C1GALT1: variants seen among roughly 807,000 people sequenced by gnomAD.
C1GALT1 encodes glycoprotein-N-acetylgalactosamine 3-beta-galactosyltransferase 1.
In C1GALT1, 11 loss-of-function variants were observed where a neutral mutation model predicts 31.0. The ratio of observed to expected loss-of-function variants is 0.36; its 90% CI spans 0.22 to 0.59. C1GALT1 has a LOEUF of 0.59. C1GALT1 is among the 20% of genes least tolerant of loss of function. C1GALT1 has a pLI of 0.79. For synonymous variants in C1GALT1, 175 were observed against 143.6 expected (o/e 1.22, Z -1.56); for missense variants, 424 against 425.2 (o/e 1.00, Z 0.03).
At chr7:7,185,407 A>G (rs568669527) in intron 1 of C1GALT1, among the ~76,000 whole-genome samples, 11 of 152,212 alleles carry the variant, frequency 7.2e-5, no homozygotes, top group Non-Finnish European at 1.5e-4. Flanking sequence ...AAATACGACA[A>G]ACTGGGTGAT....
In C1GALT1 at chr7:7,227,049, C is replaced by G. The variant is rs1374230895; in HGVS notation, c.-17-7254C>G. On this transcript the variant is annotated intron_variant, in intron 1 of 3. Transcript: ENST00000436587. Reference sequence around the variant, plus strand: ...ATTTAATGAGCCCTCCAACTCCTTTCTGTTTTTTTGTAAACTTTTCTTAAT... The same window carrying G: ...ATTTAATGAGCCCTCCAACTCCTTTGTGTTTTTTTGTAAACTTTTCTTAAT... Among the ~76,000 whole-genome samples, 7 of 152,030 alleles carry G rather than the reference C, an allele frequency of 4.6e-5. No homozygotes were observed. The East Asian group carries it at 1.3e-3, about 29-fold the overall frequency.
At chr7:7,183,666 C>A (rs758390426) in intron 1 of C1GALT1, 1 of 891,100 alleles carries the variant, frequency 1.1e-6, no homozygotes, top group Non-Finnish European at 1.3e-6. Flanking sequence ...TCCTTACCGT[C>A]TCCCCACCCC....
intron 1 of C1GALT1, among the ~76,000 whole-genome samples, chr7:7,224,017 G>A (rs572172323): frequency 3.3e-5 from 5 of 151,994 alleles, no homozygotes; most frequent in Non-Finnish European, 7.4e-5. Context: ...CTTTTCATTT[G>A]TGTGAATTTT....
intron 1 of C1GALT1, 65 bp downstream of exon 1, chr7:7,182,885 CT>C: frequency 9.2e-6 from 9 of 978,256 alleles, no homozygotes; most frequent in Non-Finnish European, 1.1e-5. Flanking sequence ...GCCCTCCCCC[CT>C]CTCCGGGTTG....
chr7:7,242,553 CA>C (rs1783680720), intron 3 of C1GALT1, among the ~76,000 whole-genome samples: 1 of 152,066 alleles, frequency 6.6e-6, no homozygotes, highest in African/African-American at 2.4e-5. Context: ...CTATCTCCCT[CA>C]TTCTTTACAA....
At chr7:7,218,561 G>A (rs977914693) in intron 1 of C1GALT1, among the ~76,000 whole-genome samples, 2 of 152,108 alleles carry the variant, frequency 1.3e-5, no homozygotes, top group Non-Finnish European at 2.9e-5. Context: ...GAGCTGCTTT[G>A]CCCCCTCATT....
At chr7:7,235,111 T>C (rs1783276247) in intron 2 of C1GALT1, 2 of 152,462 alleles carry the variant, frequency 1.3e-5, no homozygotes, top group South Asian at 4.1e-4. Flanking sequence ...CTCTCCAAGT[T>C]TCTGTCCTTT....
chr7:7,223,356 T>A (rs943824618), intron 1 of C1GALT1, among the ~76,000 whole-genome samples: 1 of 152,122 alleles, frequency 6.6e-6, no homozygotes, highest in Non-Finnish European at 1.5e-5. Context: ...AGAGATGGGG[T>A]TTCTCCATGT....
chr7:7,157,618 A>G (rs1169909697), intron 2 of C1GALT1, among the ~76,000 whole-genome samples: 2 of 152,146 alleles, frequency 1.3e-5, no homozygotes, highest in African/African-American at 4.8e-5. Context: ...GGCTTCTAAG[A>G]TTATATTTAT....
chr7:7,166,909 T>C (rs1432197), intron 2 of C1GALT1, among the ~76,000 whole-genome samples: 11,313 of 152,230 alleles, frequency 0.074, 587 homozygotes, highest in East Asian at 0.21. Context: ...ACTAATCATG[T>C]TAGTCCTTTT....
intron 1 of C1GALT1, among the ~76,000 whole-genome samples, chr7:7,232,303 G>T (rs553219453): frequency 2.0e-5 from 3 of 152,108 alleles, no homozygotes; most frequent in Admixed American, 6.5e-5. Flanking sequence ...ACATGAAGTT[G>T]TTTTGTTTTT....
At chr7:7,204,257 T>C (rs1781644638) in intron 1 of C1GALT1, among the ~76,000 whole-genome samples, 1 of 152,044 alleles carries the variant, frequency 6.6e-6, no homozygotes, top group Non-Finnish European at 1.5e-5. Context: ...ATCTCCATAC[T>C]GATATAGGAT....
intron 2 of C1GALT1, among the ~76,000 whole-genome samples, chr7:7,174,013 C>G (rs2128227605): frequency 6.6e-6 from 1 of 152,220 alleles, no homozygotes; most frequent in South Asian, 2.1e-4. Flanking sequence ...AACAGTGCTG[C>G]CAAATTCACT....
upstream of C1GALT1, among the ~76,000 whole-genome samples, chr7:7,178,930 G>C (rs1333890669): frequency 2.0e-5 from 3 of 152,150 alleles, no homozygotes; most frequent in African/African-American, 7.2e-5. Context: ...GAGCACCTTA[G>C]CTGAATGGTT....
intron 1 of C1GALT1, among the ~76,000 whole-genome samples, chr7:7,196,139 G>A (rs1283860088): frequency 1.3e-5 from 2 of 152,072 alleles, no homozygotes; most frequent in Non-Finnish European, 2.9e-5. Context: ...ATGTATACAT[G>A]TGTCATGTTG....
At chr7:7,229,935 A>G (rs1782987189) in intron 1 of C1GALT1, among the ~76,000 whole-genome samples, 1 of 152,218 alleles carries the variant, frequency 6.6e-6, no homozygotes, top group African/African-American at 2.4e-5. Flanking sequence ...TTGAAGGTAC[A>G]GTCAGGATAG....
At chr7:7,235,979 A>G (rs547128564) in intron 2 of C1GALT1, among the ~76,000 whole-genome samples, 3 of 152,184 alleles carry the variant, frequency 2.0e-5, no homozygotes, top group Admixed American at 2.0e-4. Context: ...AAACTTCACC[A>G]TTCCTTTTGG....
In C1GALT1 at chr7:7,243,512, C is replaced by T. The variant is rs767408386; in HGVS notation, c.889-12C>T. ...TGTTTATTAACAATACCTGTTTCCA[C>T]TACTTTTTTAGGGTCCTGGTTGCTG... On this transcript the variant is annotated splice_polypyrimidine_tract_variant and intron_variant, in intron 3 of 3. Transcript: ENST00000436587. 3.2e-6 allele frequency: 5 copies of T among 1,578,176 alleles called. No individual in the cohort carries two copies. The Admixed American group carries it at 7.7e-5, about 24-fold the overall frequency.
At chr7:7,212,446 A>G (rs1562577419) in intron 1 of C1GALT1, among the ~76,000 whole-genome samples, 1 of 151,298 alleles carries the variant, frequency 6.6e-6, no homozygotes, top group Admixed American at 6.6e-5. Flanking sequence ...GCACTAATGC[A>G]AACAACTATA....
Sources: gnomAD v4.1 joint callset for allele counts (sites outside exome capture counted in the v4.1 genomes callset) on GRCh38, gnomAD v4.1.1 for gene constraint, MANE v1.5 for transcripts, NCBI Gene and HGNC (gene_info 2026-07-23, HGNC 2026-07-21) for gene names.